Variants in BLZF1 observed in about 807,000 individuals in gnomAD.
The protein encoded by BLZF1 is golgin-45.
In BLZF1, 39 loss-of-function variants were observed where a neutral mutation model predicts 43.8. That is an observed-to-expected ratio of 0.89 (90% CI 0.69 to 1.16). The LOEUF (loss-of-function observed/expected upper bound fraction) is 1.16, where lower values mean the gene tolerates loss of function less well. Ranked by LOEUF, BLZF1 falls within the 50% of genes most tolerant of loss-of-function variation. The pLI is 0.00. For synonymous variants in BLZF1, 136 were observed against 159.4 expected (o/e 0.85, Z 1.11); for missense variants, 449 against 469.8 (o/e 0.96, Z 0.41).
At chr1:169,389,037 G>T (rs1267000128), downstream of BLZF1, among the ~76,000 whole-genome samples, 1 of 152,034 alleles carries the variant, frequency 6.6e-6, no homozygotes, top group South Asian at 2.1e-4. Context: ...GCAGAGAATT[G>T]CTTGAACCTG....
intron 7 of BLZF1, chr1:169,395,160 C>G: frequency 6.2e-7 from 1 of 1,613,002 alleles, no homozygotes; most frequent in Non-Finnish European, 8.5e-7. Flanking sequence ...CTCTCTCTGA[C>G]AGCTTGTTGC....
chr1:169,380,638 T>C (rs1382917127), intron 5 of BLZF1, 29 bp downstream of exon 5: 3 of 1,602,114 alleles, frequency 1.9e-6, no homozygotes, highest in African/African-American at 1.3e-5. Context: ...TTCTGAACTC[T>C]TCTGCTTTCT....
At chr1:169,389,638 TA>T (rs150133310), downstream of BLZF1, among the ~76,000 whole-genome samples, 42 of 152,334 alleles carry the variant, frequency 2.8e-4, 1 homozygote, top group East Asian at 8.1e-3. Flanking sequence ...GAAACTAGAA[TA>T]GGTATTTGTA....
chr1:169,380,883 A>G (rs1047322366), intron 5 of BLZF1, among the ~76,000 whole-genome samples: 1 of 152,086 alleles, frequency 6.6e-6, no homozygotes, highest in Non-Finnish European at 1.5e-5. Context: ...AATTGCTGGT[A>G]ATAGTTGTAG....
At chr1:169,390,604 A>C (rs541110037), downstream of BLZF1, among the ~76,000 whole-genome samples, 1 of 152,302 alleles carries the variant, frequency 6.6e-6, no homozygotes, top group East Asian at 1.9e-4. Context: ...TGGTGCTACA[A>C]AGAAACCTGA....
intron 2 of BLZF1, among the ~76,000 whole-genome samples, chr1:169,375,816 A>G (rs10919156): frequency 0.042 from 6,359 of 151,808 alleles, 197 homozygotes; most frequent in East Asian, 0.12. Flanking sequence ...ATATATATAC[A>G]CACACACTAC....
Position 169,376,916 on chromosome 1 carries a change from T to A in BLZF1, c.405T>A (p.Asn135Lys). 6.2e-7 allele frequency: 1 copy of A among 1,613,236 alleles called. No individual in the cohort carries two copies. Among genetic ancestry groups the A allele is most frequent in the Non-Finnish European group, 8.5e-7 (1 of 1,179,522 alleles). ...AGAATGTATTGGAAAAGCTCAAGAA[T>A]TCTGAAAGAAGGTTACTACAGGACA... The part of the protein sequence containing the change: ...EVKNVLEKLK[N>K]SERRLLQDKE... The change falls in exon 3 of 7, where the codon AAT becomes AAA. Residue 135 changes from asparagine (N) to lysine (K), a missense_variant. Transcript: ENST00000367808.
At chr1:169,375,393 C>CATATATGTAT (rs1654275690) in intron 2 of BLZF1, among the ~76,000 whole-genome samples, 8 of 85,836 alleles carry the variant, frequency 9.3e-5, no homozygotes, top group African/African-American at 3.9e-4. Flanking sequence ...ATATATAAAA[C>CATATATGTAT]ATATATATAT....
rs369684533 is a variant in BLZF1 at position 169,376,966 on chromosome 1, G to A, written c.455G>A (p.Arg152His). 63 of 1,612,550 alleles carry A rather than the reference G, an allele frequency of 3.9e-5. No individual in the cohort carries two copies. The highest frequency in any genetic ancestry group is 1.7e-4 in the African/African-American group (13 of 74,938). ...QDKEGLSNQLRVQTEVNRELK... is the reference protein window; with the variant it reads ...QDKEGLSNQLHVQTEVNRELK... ...AAAGAAGGTCTTTCAAACCAGCTCC[G>A]TGTACAGACAGAGGTAAGAAGAGCC... Residue 152 changes from arginine (R) to histidine (H), a missense_variant, in exon 3 of 7, where the codon CGT becomes CAT. Arg to His is a conservative substitution (Grantham distance 29). Coordinates refer to ENST00000367808, the MANE Select transcript of BLZF1 (RefSeq NM_001320973.2).
intron 2 of BLZF1, among the ~76,000 whole-genome samples, chr1:169,374,314 G>A (rs769851854): frequency 6.6e-6 from 1 of 152,122 alleles, no homozygotes; most frequent in Non-Finnish European, 1.5e-5. Context: ...CTGAGCCCAG[G>A]AAGTCAAGGC....
chr1:169,389,963 T>C (rs529410930), downstream of BLZF1, among the ~76,000 whole-genome samples: 82 of 152,258 alleles, frequency 5.4e-4, 3 homozygotes, highest in South Asian at 0.017. Context: ...TGGGAAGTTT[T>C]TATTTAGTGG....
chr1:169,375,391 A>AAAATATATATATATATAT (rs1557846915), intron 2 of BLZF1, among the ~76,000 whole-genome samples: 1 of 51,844 alleles, frequency 1.9e-5, no homozygotes. Context: ...ATATATATAA[A>AAAATATATATATATATAT]ACATATATAT....
chr1:169,379,179 G>C (rs907113789), intron 4 of BLZF1, among the ~76,000 whole-genome samples: 1 of 151,806 alleles, frequency 6.6e-6, no homozygotes, highest in Non-Finnish European at 1.5e-5. Context: ...CTGGAACTTA[G>C]CAAAATACTT....
At position 169,388,231 on chromosome 1, in the gene BLZF1, C is replaced by G. The variant is rs974309039; in HGVS notation, c.*1049C>G. ...GGTCAAATAATAATAATTTTAATGT[C>G]AATGATTTTTTTTGTCTGACTCATC... On this transcript the variant is annotated 3_prime_UTR_variant, in exon 7 of 7. Coordinates refer to ENST00000367808, the MANE Select transcript of BLZF1 (RefSeq NM_001320973.2). 2.2e-4 allele frequency: 33 copies of G among 152,198 alleles called. No homozygotes were observed. Among genetic ancestry groups the G allele is most frequent in the South Asian group, 1.0e-3 (5 of 4,818 alleles). The allele number at this position is 152,198 out of a possible 1,614,324, so 9.4% of individuals were successfully genotyped here.
At chr1:169,369,629 A>G in intron 2 of BLZF1, 79 bp downstream of exon 2, 1 of 1,052,776 alleles carries the variant, frequency 9.5e-7, no homozygotes, top group Non-Finnish European at 1.4e-6. Flanking sequence ...AGATAACTAG[A>G]TCTCATGGAC....
chr1:169,378,012 T>C (rs1205048248), intron 3 of BLZF1, among the ~76,000 whole-genome samples: 3 of 151,966 alleles, frequency 2.0e-5, no homozygotes, highest in African/African-American at 7.2e-5. Flanking sequence ...TATCAAAATA[T>C]ATTGGTTTTG....
chr1:169,377,038 C>G, intron 3 of BLZF1, 59 bp downstream of exon 3: 4 of 1,371,472 alleles, frequency 2.9e-6, no homozygotes, highest in Non-Finnish European at 4.0e-6. Context: ...ACCTTTTAAA[C>G]GTGCATGTTA....
chr1:169,393,017 A>G (rs1041671025), downstream of BLZF1, among the ~76,000 whole-genome samples: 2 of 152,134 alleles, frequency 1.3e-5, no homozygotes, highest in Non-Finnish European at 2.9e-5. Flanking sequence ...GGGAACTGTA[A>G]CCAGGGGACC....
chr1:169,395,393 G>A (rs555312199), intron 7 of BLZF1, among the ~76,000 whole-genome samples: 1 of 152,198 alleles, frequency 6.6e-6, no homozygotes, highest in Non-Finnish European at 1.5e-5. Flanking sequence ...AGAAAGGACC[G>A]TTAGATTTGG....
Sources: allele counts gnomAD v4.1 joint callset (sites outside exome capture counted in the v4.1 genomes callset), GRCh38; gene constraint gnomAD v4.1.1; transcripts MANE v1.5; gene names NCBI Gene and HGNC (gene_info 2026-07-23, HGNC 2026-07-21).